SYNRG: variants seen among roughly 807,000 people sequenced by gnomAD.
SYNRG encodes synergin gamma, also known as AP1 gamma subunit binding protein 1.
A neutral mutation model predicts 130.9 loss-of-function variants in SYNRG; 37 were observed. The ratio of observed to expected loss-of-function variants is 0.28; its 90% CI spans 0.22 to 0.37. The LOEUF (loss-of-function observed/expected upper bound fraction) is 0.37. Ranked by LOEUF, SYNRG falls within the 10% of genes least tolerant of loss-of-function variation. The pLI, the probability that SYNRG is intolerant of heterozygous loss-of-function variation, is 1.00. For missense variants in SYNRG, 1,338 were observed against 1,588.9 expected (o/e 0.84, Z 2.68); for synonymous variants, 539 against 568.1 (o/e 0.95, Z 0.73).
intron 20 of SYNRG, 60 bp downstream of exon 20, chr17:37,520,478 G>C: frequency 4.0e-6 from 6 of 1,504,742 alleles, no homozygotes; most frequent in Non-Finnish European, 5.5e-6. Context: ...GCCAGATGAG[G>C]TTGTCCAGAG....
intron 16 of SYNRG, 96 bp downstream of exon 16, chr17:37,540,284 T>G (rs2057620275): frequency 7.0e-7 from 1 of 1,428,712 alleles, no homozygotes; most frequent in East Asian, 2.3e-5. Flanking sequence ...TTTCTGCCCC[T>G]CATTTTCCCC....
At chr17:37,588,228 G>GAGA (rs1270363143) in intron 3 of SYNRG, among the ~76,000 whole-genome samples, 1 of 149,540 alleles carries the variant, frequency 6.7e-6, no homozygotes, top group Admixed American at 6.7e-5. Context: ...CCATGCTGGA[G>GAGA]AGAAAAACAT....
intron 15 of SYNRG, 167 bp from the exon 16 acceptor site, chr17:37,540,710 G>C (rs1598201684): frequency 2.4e-6 from 2 of 820,308 alleles, no homozygotes; most frequent in Middle Eastern, 3.9e-4. Context: ...TCTCGGCTCA[G>C]TGCAACCTCC....
At chr17:37,583,959 G>A (rs1287670264) in intron 6 of SYNRG, among the ~76,000 whole-genome samples, 1 of 152,164 alleles carries the variant, frequency 6.6e-6, no homozygotes, top group Non-Finnish European at 1.5e-5. Context: ...GCCTCCCAAA[G>A]TGCTGGGATT....
At chr17:37,585,082 T>C (rs564281754) in intron 5 of SYNRG, among the ~76,000 whole-genome samples, 1 of 152,320 alleles carries the variant, frequency 6.6e-6, no homozygotes, top group East Asian at 1.9e-4. Flanking sequence ...ATTATAAACA[T>C]TGCCATGATA....
In SYNRG at chr17:37,517,987, G is replaced by A. The variant is rs1331324523; in HGVS notation, c.*953C>T. The A allele has an allele frequency of 1.3e-5, 2 of 151,866 alleles. No homozygotes were observed. The highest frequency in any genetic ancestry group is 2.9e-5 in the Non-Finnish European group (2 of 67,978). 9.4% of individuals were successfully genotyped at this position (151,866 alleles called of 1,614,324 possible). ...TATCTATCCCATAAATATACATCTT[G>A]ATACTTTACACTAGGCCGAGAGCTC... On this transcript the variant is annotated 3_prime_UTR_variant, in exon 22 of 22. Transcript: ENST00000612223.
chr17:37,534,930 T>G (rs1475323068), intron 19 of SYNRG, among the ~76,000 whole-genome samples: 1 of 152,166 alleles, frequency 6.6e-6, no homozygotes, highest in African/African-American at 2.4e-5. Context: ...AGCATATTTA[T>G]TCCAGCTGTG....
At chr17:37,573,877 A>C (rs1464253643) in intron 8 of SYNRG, among the ~76,000 whole-genome samples, 1 of 152,224 alleles carries the variant, frequency 6.6e-6, no homozygotes, top group Non-Finnish European at 1.5e-5. Flanking sequence ...TACATTCTTC[A>C]CAGAAACAGA....
At position 37,570,903 on chromosome 17, in the gene SYNRG, A is replaced by C. The variant is rs201431946; in HGVS notation, c.1099-18T>G. ...ACGCCCCTCTACAAATGATAGAAAG[A>C]AAATGGATTAGAGGATTGTAAACCA... On this transcript the variant is annotated intron_variant, in intron 9 of 21. Transcript: ENST00000612223. 540 of 1,606,040 alleles carry C rather than the reference A, an allele frequency of 3.4e-4. 1 individual carries two copies. The highest frequency in any genetic ancestry group is 4.4e-4 in the Non-Finnish European group (516 of 1,176,490).
intron 1 of SYNRG, among the ~76,000 whole-genome samples, chr17:37,604,007 G>A (rs777212328): frequency 4.6e-5 from 7 of 152,068 alleles, no homozygotes; most frequent in African/African-American, 1.2e-4. Flanking sequence ...TTGGGAGGCC[G>A]AGGTGGGTGG....
intron 17 of SYNRG, 113 bp downstream of exon 17, chr17:37,539,079 C>T: frequency 6.6e-7 from 1 of 1,524,306 alleles, no homozygotes; most frequent in Non-Finnish European, 8.8e-7. Flanking sequence ...TGCCCAGGGA[C>T]ATCCAAGTAA....
chr17:37,560,669 A>AT (rs749040118), intron 13 of SYNRG, among the ~76,000 whole-genome samples: 7,232 of 125,858 alleles, frequency 0.057, 638 homozygotes, highest in African/African-American at 0.19. Flanking sequence ...AACAATAGCT[A>AT]TTTTTTTTTT....
chr17:37,582,824 G>A (rs145932457), intron 6 of SYNRG, among the ~76,000 whole-genome samples: 13 of 152,132 alleles, frequency 8.5e-5, no homozygotes, highest in African/African-American at 1.2e-4. Flanking sequence ...TCATGTCACC[G>A]CACTAGGGCA....
At chr17:37,541,044 C>T (rs558781346) in intron 15 of SYNRG, 12 of 986,068 alleles carry the variant, frequency 1.2e-5, no homozygotes, top group African/African-American at 1.0e-4. Flanking sequence ...CTCTCTTGCA[C>T]GGTTTCCCTG....
Position 37,535,986 on chromosome 17 carries a change from G to A in SYNRG, c.3659C>T (p.Thr1220Ile), listed in dbSNP as rs1465590002. 3 of 1,613,646 alleles carry A rather than the reference G, an allele frequency of 1.9e-6. No homozygotes were observed. The highest frequency in any genetic ancestry group is 1.3e-5 in the African/African-American group (1 of 74,940). The change falls in exon 19 of 22, where the codon ACA becomes ATA. Residue 1220 changes from threonine (T) to isoleucine (I), a missense_variant. Physicochemically the swap from Thr to Ile is moderately conservative, Grantham distance 89. Transcript: ENST00000612223. ...GTTGTCTCATGGGCTTACTGTGAGTGTGGCGAGTGACATGAAGCCGATTAG... is the reference window on the plus strand; with the variant it reads ...GTTGTCTCATGGGCTTACTGTGAGTATGGCGAGTGACATGAAGCCGATTAG... Reference protein sequence around the residue: ...NNLIGFMSLATLTPDENSLDF... With the variant: ...NNLIGFMSLAILTPDENSLDF...
intron 3 of SYNRG, among the ~76,000 whole-genome samples, chr17:37,587,091 A>G (rs1433984066): frequency 6.6e-6 from 1 of 152,208 alleles, no homozygotes; most frequent in Non-Finnish European, 1.5e-5. Flanking sequence ...ATAATATTAT[A>G]AAGTTTGTTA....
chr17:37,594,075 C>G (rs1166248705), intron 3 of SYNRG, among the ~76,000 whole-genome samples: 1 of 151,378 alleles, frequency 6.6e-6, no homozygotes. Context: ...ATATTAGAGA[C>G]TCTTACTGTT....
chr17:37,553,485 A>C lies in SYNRG; in HGVS notation c.2238T>G (p.Asp746Glu), dbSNP rs945757228. 2 of 1,614,088 alleles carry C rather than the reference A, an allele frequency of 1.2e-6. No homozygotes were observed. Among genetic ancestry groups the C allele is most frequent in the African/African-American group, 2.7e-5 (2 of 74,928 alleles). Residue 746 changes from aspartate to glutamate, a missense_variant, in exon 14 of 22, where the codon GAT becomes GAG. This residue lies in a region of SYNRG where 1,146 missense variants were observed against 1,342.3 expected (regional missense o/e 0.85). Transcript: ENST00000612223. Reference protein sequence around the residue: ...QNSTAASTKYDVFRQLSLEGS... With the variant: ...QNSTAASTKYEVFRQLSLEGS... ...CTTCCAGAGAAAGTTGTCTGAAGAC[A>C]TCGTACTTGGTAGACGCAGCAGTCG...
chr17:37,572,650 T>G (rs551747767), intron 8 of SYNRG, among the ~76,000 whole-genome samples: 6 of 152,176 alleles, frequency 3.9e-5, no homozygotes, highest in Admixed American at 3.3e-4. Context: ...CAATGGGAAG[T>G]AAGAATTATA....
Sources: allele counts gnomAD v4.1 joint callset (sites outside exome capture counted in the v4.1 genomes callset), GRCh38; gene constraint gnomAD v4.1.1; regional missense constraint gnomAD v4.1.1; transcripts MANE v1.5; gene names NCBI Gene and HGNC (gene_info 2026-07-23, HGNC 2026-07-21).